WWC1: variants seen among roughly 807,000 people sequenced by gnomAD.
The protein encoded by WWC1 is WW and C2 domain containing 1.
WWC1 carries 55 observed loss-of-function variants against 138.4 expected under a neutral mutation model. That is an observed-to-expected ratio of 0.40 (90% CI 0.32 to 0.50). The LOEUF (loss-of-function observed/expected upper bound fraction) is 0.50, where lower values mean the gene tolerates loss of function less well. WWC1 is among the 20% of genes least tolerant of loss of function. The pLI is 0.72. For synonymous variants in WWC1, 524 were observed against 564.9 expected (o/e 0.93, Z 1.03); for missense variants, 1,226 against 1,420.4 (o/e 0.86, Z 2.20).
intron 13 of WWC1, 106 bp from the exon 14 acceptor site, chr5:168,430,030 GC>G: frequency 1.3e-6 from 1 of 798,608 alleles, no homozygotes; most frequent in Non-Finnish European, 2.1e-6. Flanking sequence ...CTCACCATAG[GC>G]CCCAGGGCAG....
chr5:168,328,668 TC>T (rs1772772693), intron 1 of WWC1, among the ~76,000 whole-genome samples: 1 of 152,086 alleles, frequency 6.6e-6, no homozygotes. Flanking sequence ...TGCCTCAGCC[TC>T]CCGAACAGCT....
chr5:168,428,802 C>T lies in WWC1; in HGVS notation c.2000+15C>T, dbSNP rs116191790. ...ATTGCCCTGAAGTAAGTGACGAGGA[C>T]GAGGAGGACAGAAGGAACGGTCTGT... is the stretch of plus-strand genomic sequence containing the variant. On this transcript the variant is annotated intron_variant, in intron 13 of 22. Transcript: ENST00000265293. 4.4e-3 allele frequency: 7,115 copies of T among 1,613,292 alleles called. 260 individuals carry two copies. The African/African-American group carries it at 0.078, about 18-fold the overall frequency.
Position 168,464,765 on chromosome 5 carries a change from A to G in WWC1, c.2953A>G (p.Ile985Val). ...SVKSLRSERL[I>V]RTSLDLELDL... Reference sequence around the variant, plus strand: ...CAAGTCGCTGCGCTCCGAGCGTCTGATCCGTACCTCGCTGGACCTGGAGTT... The same window carrying G: ...CAAGTCGCTGCGCTCCGAGCGTCTGGTCCGTACCTCGCTGGACCTGGAGTT... The change falls in exon 21 of 23, where the codon ATC becomes GTC. Residue 985 changes from isoleucine to valine, a missense_variant. By Grantham distance (29) the Ile-to-Val change is conservative. Transcript: ENST00000265293. The G allele has an allele frequency of 1.2e-6, 2 of 1,614,066 alleles. No homozygotes were observed. The highest frequency in any genetic ancestry group is 1.7e-6 in the Non-Finnish European group (2 of 1,179,998).
chr5:168,403,029 T>TCTTC (rs1491576309), intron 5 of WWC1, among the ~76,000 whole-genome samples: 1 of 121,890 alleles, frequency 8.2e-6, no homozygotes, highest in African/African-American at 3.8e-5. Context: ...TTTCTTTCTT[T>TCTTC]CTTTCTTTCT....
At chr5:168,352,901 T>G (rs915045645) in intron 1 of WWC1, among the ~76,000 whole-genome samples, 8 of 152,194 alleles carry the variant, frequency 5.3e-5, no homozygotes, top group African/African-American at 1.9e-4. Context: ...TAATTTTCAA[T>G]TATACAAAAT....
chr5:168,298,699 T>C (rs1240320514), intron 1 of WWC1, among the ~76,000 whole-genome samples: 1 of 152,222 alleles, frequency 6.6e-6, no homozygotes, highest in Non-Finnish European at 1.5e-5. Flanking sequence ...TGCTGCCCAC[T>C]GAGCTAAGCA....
Position 168,385,377 on chromosome 5 carries a change from T to C in WWC1, c.396T>C (p.His132=). 6.2e-7 allele frequency: 1 copy of C among 1,614,068 alleles called. No individual in the cohort carries two copies. The highest frequency in any genetic ancestry group is 1.1e-5 in the South Asian group (1 of 91,082). The change falls in exon 3 of 23, where the codon CAT becomes CAC. Residue 132 remains histidine, a synonymous_variant. Coordinates refer to ENST00000265293, the MANE Select transcript of WWC1 (RefSeq NM_015238.3). ...CACAGCAGGAGTACCAGCAACTGCA[T>C]GCCGTCTGGGAGCATAAGCTGGGCT... is the stretch of plus-strand genomic sequence containing the variant. ...ELAQQEYQQL[H]AVWEHKLGSQ...
chr5:168,439,973 T>C (rs73802305), intron 15 of WWC1, among the ~76,000 whole-genome samples: 39 of 152,304 alleles, frequency 2.6e-4, no homozygotes, highest in African/African-American at 8.7e-4. Flanking sequence ...TTGGAATTAA[T>C]TACTTGTTCA....
chr5:168,342,967 T>C (rs1561635007), intron 1 of WWC1, among the ~76,000 whole-genome samples: 2 of 152,074 alleles, frequency 1.3e-5, no homozygotes. Flanking sequence ...CCAGTTCCAG[T>C]GTTAAAAAAT....
At position 168,437,499 on chromosome 5, in the gene WWC1, A is replaced by G. The variant is rs948204508; in HGVS notation, c.2281-4183A>G. ...ATGAAACACAGTGTGGAGTTTACCTATGGAGTTGTTATCTGATCCCCCTAG... is the reference window on the plus strand; with the variant it reads ...ATGAAACACAGTGTGGAGTTTACCTGTGGAGTTGTTATCTGATCCCCCTAG... On this transcript the variant is annotated intron_variant, in intron 15 of 22. Transcript: ENST00000265293. Among the ~76,000 whole-genome samples the G allele has an allele frequency of 3.2e-4, 49 of 152,308 alleles. 1 individual carries two copies. The highest frequency in any genetic ancestry group is 1.2e-3 in the African/African-American group (48 of 41,564).
intron 2 of WWC1, among the ~76,000 whole-genome samples, chr5:168,372,053 T>TGTGTGTGTGTG (rs1776797418): frequency 3.5e-5 from 5 of 141,262 alleles, no homozygotes; most frequent in African/African-American, 5.3e-5. Flanking sequence ...AAGAGTGTGT[T>TGTGTGTGTGTG]TGTGTGTGTG....
intron 15 of WWC1, among the ~76,000 whole-genome samples, chr5:168,436,508 G>A (rs550907252): frequency 6.6e-6 from 1 of 152,204 alleles, no homozygotes; most frequent in Non-Finnish European, 1.5e-5. Context: ...GCTCCAGCAT[G>A]GGCCTCCGCA....
intron 1 of WWC1, among the ~76,000 whole-genome samples, chr5:168,335,210 G>A (rs1360439150): frequency 2.0e-5 from 3 of 152,122 alleles, no homozygotes; most frequent in East Asian, 3.9e-4. Context: ...AAGGTTTCTC[G>A]GCATTGCACA....
At chr5:168,467,809 A>G in intron 21 of WWC1, 31 bp from the exon 22 acceptor site, 1 of 1,613,834 alleles carries the variant, frequency 6.2e-7, no homozygotes, top group Non-Finnish European at 8.5e-7. Context: ...GGCCCCCTCC[A>G]CTGACTCAGG....
intron 15 of WWC1, among the ~76,000 whole-genome samples, chr5:168,440,736 C>T (rs1460705801): frequency 6.6e-6 from 1 of 152,146 alleles, no homozygotes; most frequent in Non-Finnish European, 1.5e-5. Context: ...AGGCTGGTCT[C>T]GATCTCCCGA....
At chr5:168,385,174 T>G in intron 2 of WWC1, 37 bp from the exon 3 acceptor site, 6 of 1,608,374 alleles carry the variant, frequency 3.7e-6, no homozygotes, top group South Asian at 1.1e-5. Flanking sequence ...CAGATATTTG[T>G]GAGATGCTGA....
At chr5:168,425,928 A>T (rs1043790810) in intron 11 of WWC1, among the ~76,000 whole-genome samples, 1 of 152,188 alleles carries the variant, frequency 6.6e-6, no homozygotes, top group Non-Finnish European at 1.5e-5. Flanking sequence ...CAGAACGCAC[A>T]CTGTTATCCA....
chr5:168,394,488 G>GT (rs202031734), intron 3 of WWC1, among the ~76,000 whole-genome samples: 2,851 of 152,214 alleles, frequency 0.019, 89 homozygotes, highest in African/African-American at 0.064. Flanking sequence ...GCACTTGGGG[G>GT]GCCGAGGCGG....
At chr5:168,351,395 G>A (rs576577115) in intron 1 of WWC1, among the ~76,000 whole-genome samples, 7 of 152,282 alleles carry the variant, frequency 4.6e-5, no homozygotes, top group African/African-American at 1.4e-4. Flanking sequence ...GTCATCCTGT[G>A]TGCCACCAAA....
Sources: allele counts gnomAD v4.1 joint callset (sites outside exome capture counted in the v4.1 genomes callset), GRCh38; gene constraint gnomAD v4.1.1; transcripts MANE v1.5; gene names NCBI Gene and HGNC (gene_info 2026-07-23, HGNC 2026-07-21).